The following ADGRV1 variants were observed in gnomAD, a reference collection of about 807,000 sequenced individuals.
ADGRV1 encodes G-protein coupled receptor 98.
Under a neutral mutation model 596.2 loss-of-function variants are expected in ADGRV1, and 359 were observed. The observed-to-expected ratio is 0.60, with a 90% CI of 0.55 to 0.66. ADGRV1 has a LOEUF of 0.66. Ranked by LOEUF, ADGRV1 falls within the 30% of genes least tolerant of loss-of-function variation. The pLI is 0.00. For missense variants in ADGRV1, 7,274 were observed against 7,575.6 expected, an observed-to-expected ratio of 0.96 and a Z score of 1.48; for synonymous variants, 2,681 against 2,679.2, an observed-to-expected ratio of 1.00 and a Z score of -0.02.
rs750949487 is a variant in ADGRV1, at chr5:90,725,166, AAG to A, written c.9989_9990del (p.Arg3330LysfsTer2). 1 of 1,551,524 alleles carries A rather than the reference AAG, an allele frequency of 6.4e-7. No individual in the cohort carries two copies. Among genetic ancestry groups the A allele is most frequent in the East Asian group, 2.3e-5 (1 of 44,096 alleles). On this transcript the variant is annotated frameshift_variant, in exon 47 of 90. Transcript: ENST00000405460. LOFTEE classifies it high-confidence loss of function. Reference protein sequence around the residue: ...SPYFVITHEERNEEKPSLNSV... With the variant: ...SPYFVITHEEXNEEKPSLNSV... ...CCTACTTTGTGATTACTCATGAAGA[AAG>A]AAATGAAGAAAAGCCTTCTCTTAAC...
chr5:91,128,042 G>A (rs907786983), intron 87 of ADGRV1, among the ~76,000 whole-genome samples: 1 of 151,934 alleles, frequency 6.6e-6, no homozygotes, highest in Non-Finnish European at 1.5e-5. Flanking sequence ...AAGAAAGCAA[G>A]CCTTTGGACA....
At chr5:90,792,574 A>G (rs1760206172) in intron 70 of ADGRV1, 1 of 152,122 alleles carries the variant, frequency 6.6e-6, no homozygotes, top group Non-Finnish European at 1.5e-5. Context: ...ATGATGTACA[A>G]TGTAACCAAT....
intron 85 of ADGRV1, among the ~76,000 whole-genome samples, chr5:91,028,080 C>T (rs1002246194): frequency 1.4e-5 from 2 of 147,348 alleles, no homozygotes; most frequent in Admixed American, 6.8e-5. Flanking sequence ...AATGGCTGAA[C>T]TTCAACTTTT....
intron 85 of ADGRV1, among the ~76,000 whole-genome samples, chr5:91,027,189 ACTGT>A (rs1381818122): frequency 6.7e-6 from 1 of 149,768 alleles, no homozygotes; most frequent in African/African-American, 2.5e-5. Flanking sequence ...ACACACACAC[ACTGT>A]CTAACTAGAG....
chr5:90,796,533 A>C (rs1359028298), intron 70 of ADGRV1, among the ~76,000 whole-genome samples: 1 of 152,342 alleles, frequency 6.6e-6, no homozygotes, highest in African/African-American at 2.4e-5. Flanking sequence ...AATGGAACCA[A>C]GTTGGAAAAC....
chr5:90,673,807 A>G (rs1366082743), intron 22 of ADGRV1, among the ~76,000 whole-genome samples: 1 of 152,182 alleles, frequency 6.6e-6, no homozygotes, highest in Non-Finnish European at 1.5e-5. Context: ...AGGATAAGAC[A>G]TTCAGACTAT....
intron 43 of ADGRV1, chr5:90,718,393 C>T (rs539797625): frequency 6.6e-6 from 1 of 152,126 alleles, no homozygotes; most frequent in Non-Finnish European, 1.5e-5. Context: ...CTGTTGTTTC[C>T]ACCTTTTGAC....
At position 90,690,985 on chromosome 5, in the gene ADGRV1, A is replaced by G. The variant is rs768638509; in HGVS notation, c.6895A>G (p.Thr2299Ala). The G allele has an allele frequency of 6.2e-7, 1 of 1,613,740 alleles. No homozygotes were observed. Among genetic ancestry groups the G allele is most frequent in the South Asian group, 1.1e-5 (1 of 91,074 alleles). The change falls in exon 31 of 90, where the codon ACC (threonine) becomes GCC (alanine). Residue 2299 changes from threonine to alanine, a missense_variant. Thr to Ala is a moderately conservative substitution (Grantham distance 58). Around this residue, in one of 5 missense-constraint regions of ADGRV1, gnomAD observed 3,643 missense variants for 3,809.2 expected, o/e 0.96. Transcript: ENST00000405460. ...SGNVTFAPGE[T>A]IQTLLLEVLA... ...TAATGTGACCTTTGCCCCTGGGGAA[A>G]CCATTCAAACCTTGTTGTTAGAGGT...
chr5:90,978,770 G>T (rs141904225), intron 84 of ADGRV1, among the ~76,000 whole-genome samples: 46 of 152,054 alleles, frequency 3.0e-4, no homozygotes, highest in Admixed American at 1.6e-3. Context: ...TAACAAGGTG[G>T]CATATATATG....
At chr5:90,712,125 A>G (rs1033945801) in intron 41 of ADGRV1, among the ~76,000 whole-genome samples, 162 bp from the exon 42 acceptor site, 2 of 152,134 alleles carry the variant, frequency 1.3e-5, no homozygotes, top group Non-Finnish European at 2.9e-5. Context: ...AATGTTGCCA[A>G]TTTAAATAAA....
chr5:90,657,761 A>T, intron 20 of ADGRV1, 144 bp from the exon 21 acceptor site: 2 of 628,542 alleles, frequency 3.2e-6, no homozygotes, highest in Non-Finnish European at 5.0e-6. Flanking sequence ...GATAATATCC[A>T]ATTCATTGTA....
At chr5:91,088,979 C>T (rs1187604636) in intron 86 of ADGRV1, among the ~76,000 whole-genome samples, 4 of 151,896 alleles carry the variant, frequency 2.6e-5, no homozygotes, top group Non-Finnish European at 5.9e-5. Flanking sequence ...TTTTTCTGAA[C>T]ACCATTGTTT....
intron 87 of ADGRV1, among the ~76,000 whole-genome samples, chr5:91,113,128 C>T (rs551904960): frequency 6.6e-6 from 1 of 152,208 alleles, no homozygotes; most frequent in Non-Finnish European, 1.5e-5. Flanking sequence ...CCATCACATT[C>T]CTTGGTTTGC....
chr5:90,582,474 T>A (rs1758197383), intron 1 of ADGRV1, among the ~76,000 whole-genome samples: 1 of 152,202 alleles, frequency 6.6e-6, no homozygotes, highest in African/African-American at 2.4e-5. Flanking sequence ...TAACTTTTAT[T>A]GGTTTAAAGT....
At chr5:90,559,152 A>AC in intron 1 of ADGRV1, among the ~76,000 whole-genome samples, 1 of 152,004 alleles carries the variant, frequency 6.6e-6, no homozygotes, top group East Asian at 1.9e-4. Context: ...AGGTTCCTGC[A>AC]CCCCCTACCC....
chr5:90,951,215 C>G (rs1777037712), intron 83 of ADGRV1, among the ~76,000 whole-genome samples: 1 of 152,118 alleles, frequency 6.6e-6, no homozygotes, highest in Admixed American at 6.6e-5. Flanking sequence ...TAGGGAAGAA[C>G]TAGTTTAATT....
At chr5:91,005,125 G>C (rs1215034487) in intron 85 of ADGRV1, among the ~76,000 whole-genome samples, 2 of 151,964 alleles carry the variant, frequency 1.3e-5, no homozygotes, top group African/African-American at 2.4e-5. Context: ...AAACTTTATA[G>C]CTTCTTTATG....
chr5:90,705,338 A>G (rs140570006), intron 36 of ADGRV1, 62 bp from the exon 37 acceptor site: 42 of 1,363,436 alleles, frequency 3.1e-5, no homozygotes, highest in East Asian at 3.0e-4. Flanking sequence ...GAGTGAGGCT[A>G]TGTTTCCAGC....
chr5:91,080,776 G>A (rs1324719840), intron 86 of ADGRV1, among the ~76,000 whole-genome samples: 1 of 152,024 alleles, frequency 6.6e-6, no homozygotes. Flanking sequence ...GTACAGTTGT[G>A]TGAAAGATAA....
Sources: gnomAD v4.1 joint callset for allele counts (sites outside exome capture counted in the v4.1 genomes callset) on GRCh38, gnomAD v4.1.1 for gene constraint, gnomAD v4.1.1 regional missense constraint, MANE v1.5 for transcripts, NCBI Gene and HGNC (gene_info 2026-07-23, HGNC 2026-07-21) for gene names.